The following CSMD1 variants were observed in gnomAD, a reference collection of about 807,000 sequenced individuals.
CSMD1 encodes CUB and sushi domain-containing protein 1.
CSMD1 carries 213 observed loss-of-function variants against 417.5 expected under a neutral mutation model. The ratio of observed to expected loss-of-function variants is 0.51; its 90% CI spans 0.46 to 0.57. The LOEUF (loss-of-function observed/expected upper bound fraction) is 0.57. Among genes scored for constraint, CSMD1 ranks in the 20% least tolerant of loss-of-function variants. CSMD1 has a pLI of 0.00. For synonymous variants in CSMD1, 2,862 were observed against 1,736.8 expected, an observed-to-expected ratio of 1.65 and a Z score of -16.11; for missense variants, 6,923 against 4,529.7, an observed-to-expected ratio of 1.53 and a Z score of -15.17.
intron 2 of CSMD1, among the ~76,000 whole-genome samples, chr8:4,467,375 T>C (rs1266246356): frequency 6.6e-6 from 1 of 152,154 alleles, no homozygotes; most frequent in Non-Finnish European, 1.5e-5. Flanking sequence ...AATTCAAATG[T>C]CCTCATTCCC....
intron 25 of CSMD1, among the ~76,000 whole-genome samples, chr8:3,292,332 G>T (rs978240469): frequency 6.6e-6 from 1 of 152,136 alleles, no homozygotes; most frequent in Non-Finnish European, 1.5e-5. Flanking sequence ...TTCTGTAGAT[G>T]TCTATTAGGT....
chr8:4,116,547 C>T (rs1411432675), intron 3 of CSMD1, among the ~76,000 whole-genome samples: 1 of 74,630 alleles, frequency 1.3e-5, no homozygotes, highest in Non-Finnish European at 2.7e-5. Context: ...GGAACAAACG[C>T]GCCATGAATG....
chr8:3,763,168 C>G (rs551326623), intron 5 of CSMD1, among the ~76,000 whole-genome samples: 1 of 152,208 alleles, frequency 6.6e-6, no homozygotes, highest in Non-Finnish European at 1.5e-5. Flanking sequence ...TTCACCCACA[C>G]TCCCAGAGCC....
chr8:4,542,419 G>C (rs1425040675), intron 2 of CSMD1, among the ~76,000 whole-genome samples: 1 of 152,104 alleles, frequency 6.6e-6, no homozygotes, highest in Non-Finnish European at 1.5e-5. Flanking sequence ...AATCTCACTA[G>C]ACACTGACGT....
At chr8:4,511,139 T>A (rs1802798355) in intron 2 of CSMD1, among the ~76,000 whole-genome samples, 1 of 152,250 alleles carries the variant, frequency 6.6e-6, no homozygotes, top group South Asian at 2.1e-4. Flanking sequence ...ATTGAACAAG[T>A]TCCCAAGAGT....
At chr8:4,801,745 C>T (rs548089025) in intron 1 of CSMD1, among the ~76,000 whole-genome samples, 1 of 151,308 alleles carries the variant, frequency 6.6e-6, no homozygotes, top group Non-Finnish European at 1.5e-5. Context: ...AGGAAAAACA[C>T]AGAAACTTTG....
chr8:3,409,321 A>G (rs1432185830), intron 13 of CSMD1, 102 bp downstream of exon 13: 3 of 1,121,570 alleles, frequency 2.7e-6, no homozygotes, highest in Admixed American at 6.2e-5. Context: ...GCCATTCTGA[A>G]AGCTGCCCTC....
chr8:3,592,013 GTAGA>G (rs910646569), intron 8 of CSMD1, among the ~76,000 whole-genome samples: 10 of 152,106 alleles, frequency 6.6e-5, no homozygotes, highest in African/African-American at 1.2e-4. Context: ...TAGATGATAG[GTAGA>G]TAGATACATA....
At chr8:4,215,662 A>G (rs892769383) in intron 3 of CSMD1, among the ~76,000 whole-genome samples, 2 of 152,210 alleles carry the variant, frequency 1.3e-5, no homozygotes, top group African/African-American at 2.4e-5. Context: ...ATAATTTTAA[A>G]TGAGGTTTTC....
chr8:3,129,686 TA>T (rs936892824), intron 41 of CSMD1, among the ~76,000 whole-genome samples: 3 of 138,208 alleles, frequency 2.2e-5, no homozygotes, highest in South Asian at 2.3e-4. Flanking sequence ...AACCATTTTT[TA>T]AAAAAAAACT....
At chr8:4,838,792 C>T (rs1052649337) in intron 1 of CSMD1, among the ~76,000 whole-genome samples, 4 of 152,126 alleles carry the variant, frequency 2.6e-5, no homozygotes, top group African/African-American at 9.7e-5. Flanking sequence ...TGGTCGGAAC[C>T]GACAGACACT....
intron 52 of CSMD1, among the ~76,000 whole-genome samples, chr8:3,005,115 G>C (rs1177566091): frequency 6.6e-6 from 1 of 152,182 alleles, no homozygotes; most frequent in African/African-American, 2.4e-5. Flanking sequence ...CTCCAGCCTG[G>C]ACGACAGAGC....
chr8:3,499,187 G>A (rs914230885), intron 10 of CSMD1, among the ~76,000 whole-genome samples: 1 of 152,122 alleles, frequency 6.6e-6, no homozygotes, highest in East Asian at 1.9e-4. Flanking sequence ...GTGTCAGTTG[G>A]GTAGGGTGCT....
At chr8:4,021,518 G>C (rs867175686) in intron 4 of CSMD1, among the ~76,000 whole-genome samples, 61 of 152,284 alleles carry the variant, frequency 4.0e-4, no homozygotes, top group Middle Eastern at 6.8e-3. Flanking sequence ...CCTCAGTAGA[G>C]TGTGGATGCT....
intron 13 of CSMD1, among the ~76,000 whole-genome samples, chr8:3,408,995 C>A (rs538138268): frequency 8.5e-5 from 13 of 152,248 alleles, no homozygotes; most frequent in African/African-American, 3.1e-4. Flanking sequence ...AGGAAGTGGG[C>A]AGCTCATCAA....
chr8:4,135,782 T>C (rs532885325), intron 3 of CSMD1, among the ~76,000 whole-genome samples: 3 of 152,278 alleles, frequency 2.0e-5, no homozygotes, highest in South Asian at 2.1e-4. Context: ...TGATTAATGA[T>C]AGGAATAAAA....
intron 1 of CSMD1, among the ~76,000 whole-genome samples, chr8:4,907,438 T>C (rs1585304756): frequency 6.6e-6 from 1 of 152,172 alleles, no homozygotes; most frequent in African/African-American, 2.4e-5. Context: ...AATACATAAA[T>C]ATCCTAAACC....
intron 3 of CSMD1, among the ~76,000 whole-genome samples, chr8:4,406,734 A>T (rs1232779956): frequency 6.6e-6 from 1 of 152,182 alleles, no homozygotes; most frequent in Non-Finnish European, 1.5e-5. Context: ...GATACCAGAG[A>T]ATGTATTGTT....
chr8:3,520,797 T>C (rs1209418274), intron 10 of CSMD1, among the ~76,000 whole-genome samples: 1 of 152,086 alleles, frequency 6.6e-6, no homozygotes, highest in Non-Finnish European at 1.5e-5. Context: ...ACCACATCTG[T>C]AGAGGAAATC....
Sources: allele counts gnomAD v4.1 joint callset (sites outside exome capture counted in the v4.1 genomes callset), GRCh38; gene constraint gnomAD v4.1.1; transcripts MANE v1.5; gene names NCBI Gene and HGNC (gene_info 2026-07-23, HGNC 2026-07-21).